Variants in LSAMP observed in about 807,000 individuals in gnomAD.
LSAMP encodes limbic system associated membrane protein.
LSAMP carries 7 observed loss-of-function variants against 38.6 expected under a neutral mutation model. The ratio of observed to expected loss-of-function variants is 0.18; its 90% CI spans 0.10 to 0.34. LSAMP has a LOEUF of 0.34. Among genes scored for constraint, LSAMP ranks in the 10% least tolerant of loss-of-function variants. The pLI, the probability that LSAMP is intolerant of heterozygous loss-of-function variation, is 1.00. For missense variants in LSAMP, 313 were observed against 420.0 expected (o/e 0.75, Z 2.23); for synonymous variants, 154 against 166.8 (o/e 0.92, Z 0.59).
At chr3:115,971,003 A>G (rs948551204) in intron 3 of LSAMP, among the ~76,000 whole-genome samples, 6 of 152,192 alleles carry the variant, frequency 3.9e-5, no homozygotes, top group Non-Finnish European at 7.3e-5. Flanking sequence ...GGTGACAGAC[A>G]GAGTAATGGG....
intron 1 of LSAMP, among the ~76,000 whole-genome samples, chr3:116,245,412 AT>A (rs1384463605): frequency 7.2e-5 from 11 of 152,218 alleles, no homozygotes. Flanking sequence ...AGCTTTCCTC[AT>A]AAAAATCTCT....
chr3:116,385,413 T>G (rs1190361567), intron 1 of LSAMP, among the ~76,000 whole-genome samples: 1 of 152,198 alleles, frequency 6.6e-6, no homozygotes, highest in Non-Finnish European at 1.5e-5. Flanking sequence ...TGCAAGGATT[T>G]ATTTTTTATT....
intron 1 of LSAMP, among the ~76,000 whole-genome samples, chr3:116,430,353 ATAAAC>A (rs964389700): frequency 1.8e-4 from 27 of 152,292 alleles, no homozygotes; most frequent in African/African-American, 6.5e-4. Context: ...AAAATCCAAA[ATAAAC>A]TAGAGAGGGA....
rs529464682 is a variant in LSAMP at position 116,018,629 on chromosome 3, A to AAAG, written c.514+883_514+885dup. On this transcript the variant is annotated intron_variant, in intron 3 of 6. Transcript: ENST00000490035. ...ATTTAAATAGAAGGCTACATTCTATAAAGACTGTGTTATTTGACAAGACAT... is the reference window on the plus strand; with the variant it reads ...ATTTAAATAGAAGGCTACATTCTATAAAGAAGACTGTGTTATTTGACAAGACAT... 4.4e-4 allele frequency among the ~76,000 whole-genome samples: 67 copies of AAAG among 152,340 alleles called. 1 individual carries two copies. In the South Asian group the frequency reaches 0.013, roughly 31 times the overall value.
chr3:115,870,638 T>C (rs1274238997), intron 3 of LSAMP, among the ~76,000 whole-genome samples: 1 of 152,170 alleles, frequency 6.6e-6, no homozygotes, highest in Non-Finnish European at 1.5e-5. Flanking sequence ...ACACACTCAC[T>C]GCAAAAGCTT....
chr3:116,356,988 T>C (rs1275899157), intron 1 of LSAMP, among the ~76,000 whole-genome samples: 9 of 152,134 alleles, frequency 5.9e-5, no homozygotes, highest in East Asian at 1.9e-4. Flanking sequence ...AGAGACGGGG[T>C]TTCACCGTGT....
chr3:115,944,899 C>A (rs1938045520), intron 3 of LSAMP, among the ~76,000 whole-genome samples: 1 of 152,156 alleles, frequency 6.6e-6, no homozygotes, highest in East Asian at 1.9e-4. Flanking sequence ...TTTATTTGTG[C>A]CACCCAAATA....
intron 1 of LSAMP, among the ~76,000 whole-genome samples, chr3:116,144,561 A>AGT (rs1559759147): frequency 3.7e-5 from 1 of 27,328 alleles, no homozygotes; most frequent in East Asian, 1.6e-3. Context: ...TCATCACCTT[A>AGT]CTTTTTTTTT....
chr3:115,969,481 T>C (rs1938940706), intron 3 of LSAMP, among the ~76,000 whole-genome samples: 1 of 152,168 alleles, frequency 6.6e-6, no homozygotes, highest in Non-Finnish European at 1.5e-5. Flanking sequence ...CCTCTGCTTT[T>C]AAATACATGA....
intron 4 of LSAMP, among the ~76,000 whole-genome samples, chr3:115,845,702 T>A (rs940344831): frequency 6.6e-6 from 1 of 152,298 alleles, no homozygotes; most frequent in Middle Eastern, 3.4e-3. Context: ...AGCTACTATC[T>A]CTAGCCACCT....
intron 1 of LSAMP, among the ~76,000 whole-genome samples, chr3:116,355,796 T>C: frequency 6.6e-6 from 1 of 152,086 alleles, no homozygotes; most frequent in East Asian, 1.9e-4. Flanking sequence ...AAAGAAAACA[T>C]ACAAATGGCA....
intron 1 of LSAMP, among the ~76,000 whole-genome samples, chr3:116,338,779 CTTTGAAGATGT>C (rs1307220417): frequency 6.6e-6 from 1 of 152,042 alleles, no homozygotes; most frequent in Non-Finnish European, 1.5e-5. Context: ...TGACAAGGCT[CTTTGAAGATGT>C]TTTGAAGATG....
At chr3:116,335,634 A>G (rs991672586) in intron 1 of LSAMP, among the ~76,000 whole-genome samples, 25 of 152,054 alleles carry the variant, frequency 1.6e-4, no homozygotes, top group African/African-American at 6.0e-4. Flanking sequence ...TTATGTCCTG[A>G]TAAATCTATC....
intron 3 of LSAMP, among the ~76,000 whole-genome samples, chr3:115,980,226 T>C (rs1278603554): frequency 6.6e-6 from 1 of 152,122 alleles, no homozygotes; most frequent in African/African-American, 2.4e-5. Context: ...TCTTAACAAA[T>C]GATCAGTTAA....
intron 1 of LSAMP, among the ~76,000 whole-genome samples, chr3:116,091,794 C>G (rs775397572): frequency 6.6e-6 from 1 of 152,168 alleles, no homozygotes; most frequent in African/African-American, 2.4e-5. Flanking sequence ...TTAGAAAGAA[C>G]CGGACCCTAA....
chr3:116,263,537 CAAA>C (rs201229887), intron 1 of LSAMP, among the ~76,000 whole-genome samples: 2,175 of 111,936 alleles, frequency 0.019, 90 homozygotes, highest in Admixed American at 0.11. Flanking sequence ...GACTTTGTCT[CAAA>C]AAAAAAAAAA....
At chr3:115,893,564 A>G (rs764135888) in intron 3 of LSAMP, among the ~76,000 whole-genome samples, 1 of 152,016 alleles carries the variant, frequency 6.6e-6, no homozygotes, top group Admixed American at 6.6e-5. Context: ...AAAACTATCA[A>G]TTTTAACATA....
intron 1 of LSAMP, among the ~76,000 whole-genome samples, chr3:116,205,075 CGTTGAGCAGTGGTTT>C (rs1031706898): frequency 7.0e-6 from 1 of 143,144 alleles, no homozygotes; most frequent in Non-Finnish European, 1.5e-5. Context: ...TCTTTTATTT[CGTTGAGCAGTGGTTT>C]GTAGTTCTCC....
chr3:115,956,721 A>C (rs1322543717), intron 3 of LSAMP, among the ~76,000 whole-genome samples: 1 of 152,236 alleles, frequency 6.6e-6, no homozygotes, highest in Admixed American at 6.5e-5. Context: ...TATATAGTTA[A>C]AATTTTATAA....
Sources: gnomAD v4.1 joint callset for allele counts (sites outside exome capture counted in the v4.1 genomes callset) on GRCh38, gnomAD v4.1.1 for gene constraint, MANE v1.5 for transcripts, NCBI Gene and HGNC (gene_info 2026-07-23, HGNC 2026-07-21) for gene names.